Variants in ZNF804B observed in about 807,000 individuals in gnomAD.
The protein encoded by ZNF804B is zinc finger protein 804B.
A neutral mutation model predicts 101.4 loss-of-function variants in ZNF804B; 80 were observed. The ratio of observed to expected loss-of-function variants is 0.79; its 90% CI spans 0.66 to 0.95. The LOEUF is 0.95. Among genes scored for constraint, ZNF804B ranks in the 40% least tolerant of loss-of-function variants. The pLI is 0.00. For missense variants in ZNF804B, 1,673 were observed against 1,561.9 expected (o/e 1.07, Z -1.20); for synonymous variants, 622 against 558.8 (o/e 1.11, Z -1.59).
chr7:88,864,116 C>T (rs1791690134), intron 1 of ZNF804B, among the ~76,000 whole-genome samples: 1 of 152,098 alleles, frequency 6.6e-6, no homozygotes, highest in South Asian at 2.1e-4. Context: ...ATGCTACTGC[C>T]TTCATATATT....
At chr7:89,164,616 G>C (rs2214338) in intron 1 of ZNF804B, among the ~76,000 whole-genome samples, 61,789 of 151,820 alleles carry the variant, frequency 0.41, 13,155 homozygotes, top group Non-Finnish European at 0.47. Context: ...TGATAACACT[G>C]TCCACCATGT....
intron 1 of ZNF804B, among the ~76,000 whole-genome samples, chr7:89,139,791 C>G (rs1235077894): frequency 6.6e-6 from 1 of 152,024 alleles, no homozygotes; most frequent in Non-Finnish European, 1.5e-5. Flanking sequence ...TTGAACTGCT[C>G]AAAGTCATCC....
intron 1 of ZNF804B, among the ~76,000 whole-genome samples, chr7:88,772,105 T>G (rs1370947405): frequency 6.6e-6 from 1 of 152,162 alleles, no homozygotes; most frequent in Non-Finnish European, 1.5e-5. Context: ...TTAAATAGAT[T>G]TAAAGAATTG....
chr7:88,896,274 T>A lies in ZNF804B; in HGVS notation c.108+136190T>A, dbSNP rs1792284187. On this transcript the variant is annotated intron_variant, in intron 1 of 3. Transcript: ENST00000333190. ...GGATTCATTAGCTGTTTCAAATATA[T>A]CATACTAATATAAGATGCCAGTAAT... Among the ~76,000 whole-genome samples, 2 of 152,252 alleles carry A rather than the reference T, an allele frequency of 1.3e-5. 1 individual carries two copies. The highest frequency in any genetic ancestry group is 4.1e-4 in the South Asian group (2 of 4,820).
intron 2 of ZNF804B, among the ~76,000 whole-genome samples, chr7:89,306,333 T>C (rs1790561238): frequency 6.6e-6 from 1 of 152,006 alleles, no homozygotes; most frequent in African/African-American, 2.4e-5. Flanking sequence ...AAGAGGCCCA[T>C]GATATTTTCA....
At chr7:89,199,623 C>A (rs1319591823) in intron 1 of ZNF804B, among the ~76,000 whole-genome samples, 2 of 151,750 alleles carry the variant, frequency 1.3e-5, no homozygotes, top group Admixed American at 1.3e-4. Flanking sequence ...CCATGAGAAA[C>A]CGAAGCTCTG....
chr7:88,794,352 G>C, intron 1 of ZNF804B: 1 of 1,613,810 alleles, frequency 6.2e-7, no homozygotes, highest in South Asian at 1.1e-5. Context: ...GTAAGTTATC[G>C]CCTGGTCCTT....
intron 1 of ZNF804B, among the ~76,000 whole-genome samples, chr7:89,148,404 A>T (rs1263641374): frequency 6.6e-6 from 1 of 152,092 alleles, no homozygotes; most frequent in Non-Finnish European, 1.5e-5. Context: ...GATAGCAAAT[A>T]AGAGTATTTG....
intron 2 of ZNF804B, among the ~76,000 whole-genome samples, chr7:89,304,401 A>G (rs931612733): frequency 2.6e-5 from 4 of 151,814 alleles, no homozygotes; most frequent in Non-Finnish European, 2.9e-5. Context: ...TCTCTCCTTT[A>G]TTGTAATAGT....
intron 1 of ZNF804B, among the ~76,000 whole-genome samples, chr7:88,904,703 T>G (rs1412197231): frequency 3.9e-5 from 6 of 152,184 alleles, no homozygotes; most frequent in African/African-American, 9.7e-5. Flanking sequence ...TTTATTTTAC[T>G]TTTTGCTATT....
At chr7:89,024,316 A>C (rs996694423) in intron 1 of ZNF804B, among the ~76,000 whole-genome samples, 1 of 152,258 alleles carries the variant, frequency 6.6e-6, no homozygotes, top group South Asian at 2.1e-4. Flanking sequence ...TGCTTAACTC[A>C]TGTCAACTTA....
intron 1 of ZNF804B, among the ~76,000 whole-genome samples, chr7:89,109,561 G>T (rs759939483): frequency 1.3e-5 from 2 of 152,050 alleles, no homozygotes; most frequent in Non-Finnish European, 2.9e-5. Flanking sequence ...TCCACATTTT[G>T]ATTTCATTTT....
At chr7:88,978,584 G>C (rs959302680) in intron 1 of ZNF804B, among the ~76,000 whole-genome samples, 2 of 149,880 alleles carry the variant, frequency 1.3e-5, no homozygotes, top group Non-Finnish European at 3.0e-5. Context: ...TTTATTTTCA[G>C]TCTATGTGTG....
At chr7:89,079,605 A>G (rs1789665945) in intron 1 of ZNF804B, among the ~76,000 whole-genome samples, 1 of 152,072 alleles carries the variant, frequency 6.6e-6, no homozygotes, top group Admixed American at 6.6e-5. Context: ...GTTGGGGCAG[A>G]CAGGCATTAA....
chr7:89,160,815 T>C (rs1791048265), intron 1 of ZNF804B, among the ~76,000 whole-genome samples: 1 of 152,208 alleles, frequency 6.6e-6, no homozygotes, highest in Admixed American at 6.6e-5. Context: ...TCATATCATC[T>C]AGTCTTTGTC....
chr7:89,203,214 A>C (rs1293521276), intron 1 of ZNF804B, among the ~76,000 whole-genome samples: 3 of 152,174 alleles, frequency 2.0e-5, no homozygotes, highest in African/African-American at 4.8e-5. Flanking sequence ...CAGCGCTGCC[A>C]TTAGAATACA....
chr7:88,891,622 A>AT (rs201823667), intron 1 of ZNF804B, among the ~76,000 whole-genome samples: 2,387 of 147,492 alleles, frequency 0.016, 64 homozygotes, highest in African/African-American at 0.053. Flanking sequence ...TTCTAAGTAG[A>AT]TTTTTTTTTT....
chr7:88,775,723 A>G (rs1290984497), intron 1 of ZNF804B, among the ~76,000 whole-genome samples: 4 of 152,208 alleles, frequency 2.6e-5, no homozygotes, highest in Non-Finnish European at 4.4e-5. Context: ...ATAAGAGTCA[A>G]CAGACGAGGC....
chr7:89,235,451 T>C (rs936594108), intron 2 of ZNF804B, among the ~76,000 whole-genome samples: 24 of 152,136 alleles, frequency 1.6e-4, no homozygotes, highest in Admixed American at 1.3e-3. Flanking sequence ...TAAATCCATA[T>C]CAAAAATCTG....
Sources: allele counts gnomAD v4.1 joint callset (sites outside exome capture counted in the v4.1 genomes callset), GRCh38; gene constraint gnomAD v4.1.1; transcripts MANE v1.5; gene names NCBI Gene and HGNC (gene_info 2026-07-23, HGNC 2026-07-21).